LRMDA: variants seen among roughly 807,000 people sequenced by gnomAD.
LRMDA encodes leucine-rich melanocyte differentiation-associated protein.
LRMDA carries 18 observed loss-of-function variants against 29.8 expected under a neutral mutation model. The observed-to-expected ratio is 0.60, with a 90% confidence interval of 0.42 to 0.90. The LOEUF is 0.90. LRMDA is among the 40% of genes least tolerant of loss of function. The pLI, the probability that LRMDA is intolerant of heterozygous loss-of-function variation, is 0.00. For missense variants in LRMDA, 273 were observed against 273.9 expected (o/e 1.00, Z 0.02); for synonymous variants, 125 against 109.4 (o/e 1.14, Z -0.89).
chr10:76,289,142 T>C (rs1186451894), intron 5 of LRMDA, among the ~76,000 whole-genome samples: 1 of 152,184 alleles, frequency 6.6e-6, no homozygotes, highest in Non-Finnish European at 1.5e-5. Context: ...TGATGGTATC[T>C]TTCTCTAGGA....
chr10:75,785,973 A>T (rs751269794), intron 2 of LRMDA, among the ~76,000 whole-genome samples: 1 of 152,198 alleles, frequency 6.6e-6, no homozygotes, highest in Non-Finnish European at 1.5e-5. Flanking sequence ...GGGCCTTTTC[A>T]CATAATGAGT....
chr10:76,128,673 C>T (rs1362929454), intron 5 of LRMDA, among the ~76,000 whole-genome samples: 1 of 152,152 alleles, frequency 6.6e-6, no homozygotes, highest in South Asian at 2.1e-4. Flanking sequence ...CCTCTTCTCC[C>T]ATCTGTGAAG....
intron 2 of LRMDA, among the ~76,000 whole-genome samples, chr10:75,797,302 A>G (rs1046364565): frequency 1.3e-5 from 2 of 152,168 alleles, no homozygotes; most frequent in Admixed American, 6.5e-5. Context: ...AGGCTCTGCC[A>G]TTATACCATT....
chr10:76,391,989 C>T (rs529514872), intron 6 of LRMDA, among the ~76,000 whole-genome samples: 2 of 152,226 alleles, frequency 1.3e-5, no homozygotes, highest in African/African-American at 4.8e-5. Flanking sequence ...ATTGTCTGGG[C>T]TACCAAACTT....
At chr10:75,635,898 G>A (rs76404742) in intron 2 of LRMDA, among the ~76,000 whole-genome samples, 237 of 152,126 alleles carry the variant, frequency 1.6e-3, no homozygotes, top group African/African-American at 5.0e-3. Context: ...TTTTTGAGAA[G>A]CCATGTCCAA....
intron 6 of LRMDA, among the ~76,000 whole-genome samples, chr10:76,484,718 C>CAG (rs1842764674): frequency 6.6e-6 from 1 of 151,910 alleles, no homozygotes; most frequent in Non-Finnish European, 1.5e-5. Context: ...ATGTCATACA[C>CAG]AGATAGAGAC....
intron 6 of LRMDA, among the ~76,000 whole-genome samples, chr10:76,405,446 G>A (rs1841892654): frequency 6.6e-6 from 1 of 152,200 alleles, no homozygotes; most frequent in Non-Finnish European, 1.5e-5. Context: ...GGGGAGCTGG[G>A]GAGAAGCAAA....
intron 6 of LRMDA, among the ~76,000 whole-genome samples, chr10:76,355,371 G>A (rs1171819422): frequency 6.6e-6 from 1 of 152,164 alleles, no homozygotes; most frequent in South Asian, 2.1e-4. Flanking sequence ...AAGAAGCACA[G>A]CATCAGGTTA....
At chr10:76,508,899 G>A in intron 6 of LRMDA, among the ~76,000 whole-genome samples, 1 of 152,138 alleles carries the variant, frequency 6.6e-6, no homozygotes, top group South Asian at 2.1e-4. Flanking sequence ...CCAGTCTAAA[G>A]TTTGGTCTCC....
intron 2 of LRMDA, among the ~76,000 whole-genome samples, chr10:75,881,976 T>C (rs1342552766): frequency 6.6e-6 from 1 of 152,162 alleles, no homozygotes; most frequent in Non-Finnish European, 1.5e-5. Flanking sequence ...GTTTGACCGA[T>C]GGAGGTCTGG....
chr10:76,227,290 G>A (rs1035876576), intron 5 of LRMDA, among the ~76,000 whole-genome samples: 24 of 152,170 alleles, frequency 1.6e-4, no homozygotes, highest in Non-Finnish European at 3.4e-4. Context: ...TGAAGCACTA[G>A]CTGTGGACTT....
intron 2 of LRMDA, among the ~76,000 whole-genome samples, chr10:75,531,024 A>C (rs1449979136): frequency 1.3e-5 from 2 of 152,194 alleles, no homozygotes; most frequent in African/African-American, 2.4e-5. Flanking sequence ...TTGTCACAAC[A>C]GCTCACATTT....
intron 2 of LRMDA, among the ~76,000 whole-genome samples, chr10:75,895,467 A>G (rs1845565694): frequency 6.6e-6 from 1 of 152,208 alleles, no homozygotes; most frequent in African/African-American, 2.4e-5. Context: ...CAGAGAAGTA[A>G]CTTGCTGAAG....
At chr10:76,314,320 C>A (rs970924442) in intron 5 of LRMDA, among the ~76,000 whole-genome samples, 6 of 152,204 alleles carry the variant, frequency 3.9e-5, no homozygotes, top group Admixed American at 6.5e-5. Flanking sequence ...GATCTGCCTA[C>A]CTTGGCCTCC....
rs545620199 is a variant in LRMDA, at chr10:75,544,423, G to T, written c.131+105929G>T. Among the ~76,000 whole-genome samples the T allele has an allele frequency of 3.3e-5, 5 of 152,296 alleles. No homozygotes were observed. The South Asian group carries it at 6.2e-4, about 19-fold the overall frequency. ...TGGGTAAGTGGAATTTTTTAGGCTA[G>T]CCTGGGAACCTAACCATTATAGCAT... is the stretch of plus-strand genomic sequence containing the variant. On this transcript the variant is annotated intron_variant, in intron 2 of 6. Coordinates refer to ENST00000611255, the MANE Select transcript of LRMDA (RefSeq NM_001305581.2).
intron 6 of LRMDA, among the ~76,000 whole-genome samples, chr10:76,328,573 C>G (rs746175683): frequency 5.9e-5 from 9 of 152,156 alleles, no homozygotes; most frequent in Non-Finnish European, 2.9e-5. Context: ...GCGTATGAAG[C>G]AAGTGTAGGT....
chr10:76,375,344 G>A (rs1841503995), intron 6 of LRMDA, among the ~76,000 whole-genome samples: 1 of 152,028 alleles, frequency 6.6e-6, no homozygotes. Flanking sequence ...TGTTACCAGA[G>A]GACTGCCAGG....
At chr10:76,307,300 A>G (rs563327681) in intron 5 of LRMDA, among the ~76,000 whole-genome samples, 2 of 152,262 alleles carry the variant, frequency 1.3e-5, no homozygotes, top group South Asian at 4.2e-4. Context: ...CTGGAGGTGG[A>G]GGCCTTTTGT....
At chr10:76,032,885 C>T (rs893577080) in intron 2 of LRMDA, among the ~76,000 whole-genome samples, 20 of 152,056 alleles carry the variant, frequency 1.3e-4, no homozygotes, top group African/African-American at 3.6e-4. Context: ...GCGTCTCCAC[C>T]GGGGATCTGG....
Sources: gnomAD v4.1 joint callset for allele counts (sites outside exome capture counted in the v4.1 genomes callset) on GRCh38, gnomAD v4.1.1 for gene constraint, MANE v1.5 for transcripts, NCBI Gene and HGNC (gene_info 2026-07-23, HGNC 2026-07-21) for gene names.